Variants in FAAH2 observed in about 807,000 individuals in gnomAD.
FAAH2 encodes the protein fatty-acid amide hydrolase 2.
FAAH2 carries 60 observed loss-of-function variants against 36.9 expected under a neutral mutation model. The ratio of observed to expected loss-of-function variants is 1.63; its 90% CI spans 1.32 to 2.02. The LOEUF is 2.02. Among genes scored for constraint, FAAH2 ranks in the 30% most tolerant of loss-of-function variants. The pLI, the probability that FAAH2 is intolerant of heterozygous loss-of-function variation, is 0.00. For missense variants in FAAH2, 689 were observed against 397.5 expected (o/e 1.73, Z -6.23); for synonymous variants, 214 against 143.8 (o/e 1.49, Z -3.49).
At chrX:57,137,743 A>T in the FAAH2 span, 1 of 111,000 alleles carries the variant, frequency 9.0e-6, no homozygotes, top group Non-Finnish European at 1.9e-5. Context: ...CTCTTGCTCC[A>T]TCTGTTTTCC....
At chrX:57,379,947 G>A (rs1435558297) in intron 6 of FAAH2, among the ~76,000 whole-genome samples, 1 of 109,481 alleles carries the variant, frequency 9.1e-6, no homozygotes, top group East Asian at 2.9e-4. Context: ...CTTGGCTCTT[G>A]TGATTCAATC....
intron 5 of FAAH2, among the ~76,000 whole-genome samples, chrX:57,358,580 T>G (rs1073967): frequency 0.55 from 60,320 of 110,022 alleles, 14,658 homozygotes; most frequent in Non-Finnish European, 0.74. Context: ...TGTATATATA[T>G]AGAGAGAGAG....
chrX:57,385,202 C>T (rs1479797899), intron 7 of FAAH2, among the ~76,000 whole-genome samples: 1 of 106,625 alleles, frequency 9.4e-6, no homozygotes, highest in East Asian at 3.0e-4. Flanking sequence ...ATGGGTGCAG[C>T]ACACCAACAT....
intron 7 of FAAH2, among the ~76,000 whole-genome samples, chrX:57,428,353 A>G (rs2056212037): frequency 9.8e-6 from 1 of 101,765 alleles, no homozygotes; most frequent in Non-Finnish European, 2.1e-5. Context: ...AATTCTCATC[A>G]AAATACCAAT....
At chrX:57,229,129 C>T in the FAAH2 span, 2 of 111,548 alleles carry the variant, frequency 1.8e-5, no homozygotes, top group African/African-American at 6.5e-5. Context: ...CTGCTCACTA[C>T]CTTACAGAAA....
intron 4 of FAAH2, among the ~76,000 whole-genome samples, chrX:57,333,336 T>C (rs760269378): frequency 8.9e-6 from 1 of 111,762 alleles, no homozygotes; most frequent in Non-Finnish European, 1.9e-5. Flanking sequence ...CCAGTTCTTT[T>C]ATCTCAGTAC....
At chrX:57,133,079 C>T in the FAAH2 span, among the ~76,000 whole-genome samples, 101 of 111,741 alleles carry the variant, frequency 9.0e-4, no homozygotes, top group Non-Finnish European at 1.5e-3. Context: ...CTCAGTGAGG[C>T]CTTCCCTGGA....
chrX:57,347,353 C>T (rs1230708944), intron 5 of FAAH2, among the ~76,000 whole-genome samples: 2 of 111,388 alleles, frequency 1.8e-5, no homozygotes, highest in African/African-American at 6.5e-5. Context: ...GTCTATTCTG[C>T]TGTCAATACT....
At chrX:57,364,809 A>G (rs758832358) in intron 5 of FAAH2, among the ~76,000 whole-genome samples, 1 of 111,234 alleles carries the variant, frequency 9.0e-6, no homozygotes, top group African/African-American at 3.3e-5. Context: ...TTCAATCTTA[A>G]CCAAAAAGTC....
the FAAH2 span, among the ~76,000 whole-genome samples, chrX:57,220,916 T>C: frequency 8.9e-6 from 1 of 112,016 alleles, no homozygotes; most frequent in African/African-American, 3.2e-5. Context: ...AGAATGATGG[T>C]GCCCTGGAAC....
intron 7 of FAAH2, among the ~76,000 whole-genome samples, chrX:57,428,316 A>G (rs1438801113): frequency 8.9e-6 from 1 of 111,849 alleles, no homozygotes; most frequent in African/African-American, 3.2e-5. Flanking sequence ...TGTCTATATT[A>G]TCTAAAGCAA....
At position 57,450,177 on chromosome X, in the gene FAAH2, A is replaced by G. The variant is rs900523743; in HGVS notation, c.1423+1459A>G. On this transcript the variant is annotated intron_variant, in intron 10 of 10. Coordinates refer to ENST00000374900, the MANE Select transcript of FAAH2 (RefSeq NM_174912.4). ...AACTTTTCCCTCTAGTTTAGCCTTG[A>G]ACACATTTAAAGAGTGTTCCTTGTA... 2.7e-5 allele frequency among the ~76,000 whole-genome samples: 3 copies of G among 110,498 alleles called. No individual in the cohort carries two copies. In the South Asian group the frequency reaches 1.2e-3, roughly 42 times the overall value.
chrX:57,177,463 TA>T, the FAAH2 span, among the ~76,000 whole-genome samples: 4 of 102,303 alleles, frequency 3.9e-5, no homozygotes, highest in African/African-American at 1.4e-4. Context: ...ATAATAATAA[TA>T]ATAATATATA....
chrX:57,382,349 G>C (rs1467432958), intron 7 of FAAH2, among the ~76,000 whole-genome samples: 2 of 111,086 alleles, frequency 1.8e-5, no homozygotes, highest in Non-Finnish European at 3.8e-5. Context: ...AGGAGATAGA[G>C]ACATAAAAAA....
rs549239895 is a variant in FAAH2, at chrX:57,458,348, C to T, written c.1423+9630C>T. Among the ~76,000 whole-genome samples, 65 of 111,554 alleles carry T rather than the reference C, an allele frequency of 5.8e-4. 1 individual carries two copies. The highest frequency in any genetic ancestry group is 1.8e-3 in the African/African-American group (55 of 30,745). ...AGACCTCAAACTATAAAAATATTGA[C>T]AGATAGCTGGGCAGGTGCCCTGTAA... On this transcript the variant is annotated intron_variant, in intron 10 of 10. Coordinates refer to ENST00000374900, the MANE Select transcript of FAAH2 (RefSeq NM_174912.4).
At chrX:57,175,969 G>A in the FAAH2 span, among the ~76,000 whole-genome samples, 3 of 111,729 alleles carry the variant, frequency 2.7e-5, no homozygotes, top group African/African-American at 9.7e-5. Context: ...TTCTTTATAA[G>A]TTATCTGATG....
the FAAH2 span, among the ~76,000 whole-genome samples, chrX:57,165,329 G>T: frequency 8.9e-6 from 1 of 112,488 alleles, no homozygotes; most frequent in Non-Finnish European, 1.9e-5. Context: ...AGAAAATGTG[G>T]CACATATACA....
intron 3 of FAAH2, among the ~76,000 whole-genome samples, chrX:57,329,772 C>T (rs762246181): frequency 1.2e-4 from 13 of 111,088 alleles, no homozygotes; most frequent in Admixed American, 6.7e-4. Context: ...ACAGAGGGAC[C>T]AGCTGAAGCC....
the FAAH2 span, among the ~76,000 whole-genome samples, chrX:57,238,955 A>C: frequency 2.7e-5 from 3 of 112,354 alleles, no homozygotes; most frequent in Middle Eastern, 4.6e-3. Context: ...TTTCACTGAA[A>C]ATAAGGTTAT....
Sources: gnomAD v4.1 joint callset for allele counts (sites outside exome capture counted in the v4.1 genomes callset) on GRCh38, gnomAD v4.1.1 for gene constraint, MANE v1.5 for transcripts, NCBI Gene and HGNC (gene_info 2026-07-23, HGNC 2026-07-21) for gene names.